RIPPLY3: variants seen among roughly 807,000 people sequenced by gnomAD.
The protein encoded by RIPPLY3 is ripply transcriptional repressor 3.
Under a neutral mutation model 11.9 loss-of-function variants are expected in RIPPLY3, and 8 were observed. The observed-to-expected ratio is 0.67, with a 90% CI of 0.40 to 1.21. RIPPLY3 has a LOEUF of 1.21. Among genes scored for constraint, RIPPLY3 ranks in the 50% most tolerant of loss-of-function variants. RIPPLY3 has a pLI of 0.01. For missense variants in RIPPLY3, 271 were observed against 246.0 expected, an observed-to-expected ratio of 1.10 and a Z score of -0.68; for synonymous variants, 102 against 99.0, an observed-to-expected ratio of 1.03 and a Z score of -0.18.
At chr21:37,008,442 A>G (rs1279863992) in intron 2 of RIPPLY3, among the ~76,000 whole-genome samples, 1 of 151,970 alleles carries the variant, frequency 6.6e-6, no homozygotes, top group Non-Finnish European at 1.5e-5. Flanking sequence ...TCTCCTTCCT[A>G]AAAAAGCATA....
chr21:37,010,535 G>A (rs1220087925), intron 2 of RIPPLY3, among the ~76,000 whole-genome samples: 1 of 152,152 alleles, frequency 6.6e-6, no homozygotes, highest in Non-Finnish European at 1.5e-5. Context: ...GCAGAGGGAA[G>A]GCCTCAAGGC....
intron 2 of RIPPLY3, among the ~76,000 whole-genome samples, chr21:37,010,000 C>T (rs1178731356): frequency 2.0e-5 from 3 of 152,220 alleles, no homozygotes; most frequent in Non-Finnish European, 4.4e-5. Flanking sequence ...CCCTGCAGTC[C>T]ACCGACGAGA....
At chr21:37,015,062 G>A (rs1243689075) in intron 3 of RIPPLY3, among the ~76,000 whole-genome samples, 1 of 152,182 alleles carries the variant, frequency 6.6e-6, no homozygotes. Flanking sequence ...AGAATTACTA[G>A]TGGAGCTTTT....
In RIPPLY3 at chr21:37,018,284, A is replaced by G. The variant is rs772686919; in HGVS notation, c.*77A>G. On this transcript the variant is annotated 3_prime_UTR_variant, in exon 4 of 4. Coordinates refer to ENST00000329553, the MANE Select transcript of RIPPLY3 (RefSeq NM_018962.3). ...TTGGGGACACCCGAGCCAGGACACT[A>G]CGCATCCCTGCTGAGTGTGCAGAGG... 1.2e-5 allele frequency: 15 copies of G among 1,234,298 alleles called. 1 individual carries two copies. The African/African-American group carries it at 1.6e-4, about 13-fold the overall frequency. 76.5% of individuals were successfully genotyped at this position (1,234,298 alleles called of 1,614,324 possible).
intron 2 of RIPPLY3, among the ~76,000 whole-genome samples, chr21:37,012,748 G>T (rs2069537647): frequency 6.6e-6 from 1 of 152,012 alleles, no homozygotes; most frequent in African/African-American, 2.4e-5. Context: ...CTCAACAGTG[G>T]GTATTCCAGG....
chr21:37,017,874 A>C lies in RIPPLY3; in HGVS notation c.240A>C (p.Arg80Ser). The change falls in exon 4 of 4, where the codon AGA (arginine) becomes AGC (serine). Residue 80 changes from arginine (R) to serine (S), a missense_variant and splice_region_variant. Transcript: ENST00000329553. ...GGTATATTTGTTTCTTAAATATTAG[A>C]GTCTATTTACCCATGTCAAAGCGTC... ...KGAFGFQHPV[R>S]VYLPMSKRQE... is the part of the protein sequence containing the mutation. 2.5e-6 allele frequency: 4 copies of C among 1,601,664 alleles called. No homozygotes were observed. The highest frequency in any genetic ancestry group is 3.4e-6 in the Non-Finnish European group (4 of 1,173,086).
chr21:37,008,540 C>T (rs1327557168), intron 2 of RIPPLY3, among the ~76,000 whole-genome samples: 1 of 152,012 alleles, frequency 6.6e-6, no homozygotes, highest in Non-Finnish European at 1.5e-5. Flanking sequence ...GGTGGATCAC[C>T]TGAAGTCAGG....
chr21:37,008,756 CA>C (rs71198845), intron 2 of RIPPLY3, among the ~76,000 whole-genome samples: 51,321 of 81,962 alleles, frequency 0.63, 13,594 homozygotes, highest in South Asian at 0.7. Flanking sequence ...AGACTCATCT[CA>C]AAAAAAAAAA....
At chr21:37,009,599 T>C (rs991045619) in intron 2 of RIPPLY3, among the ~76,000 whole-genome samples, 2 of 152,220 alleles carry the variant, frequency 1.3e-5, no homozygotes, top group African/African-American at 4.8e-5. Flanking sequence ...TGTGTGAGAA[T>C]ATAGATGTTT....
chr21:37,006,666 C>G (rs2069466440), upstream of RIPPLY3: 4 of 687,876 alleles, frequency 5.8e-6, no homozygotes, highest in African/African-American at 1.9e-5. The surrounding 1 kb of genome is among the most constrained non-coding windows in gnomAD (Gnocchi z 5.2). Context: ...CCGCCCCGCC[C>G]CCGTTTTTAA....
In RIPPLY3 at chr21:37,018,400, G is replaced by A. The variant is rs2069604340; in HGVS notation, c.*193G>A. ...TCTTTCCCCTGGCAATTCGTTTTTG[G>A]TGCACTCATGCATGCCTTTGAGAAA... On this transcript the variant is annotated 3_prime_UTR_variant, in exon 4 of 4. Transcript: ENST00000329553. 1.7e-6 allele frequency: 1 copy of A among 590,730 alleles called. No homozygotes were observed. The highest frequency in any genetic ancestry group is 1.9e-5 in the African/African-American group (1 of 53,686). The allele number at this position is 590,730 out of a possible 1,614,324, so 36.6% of individuals were successfully genotyped here.
chr21:37,014,907 T>C (rs1008470086), intron 3 of RIPPLY3, among the ~76,000 whole-genome samples: 1 of 152,184 alleles, frequency 6.6e-6, no homozygotes, highest in African/African-American at 2.4e-5. Context: ...TGTAATTTTT[T>C]TGTAGAGACA....
chr21:37,007,254 T>C (rs2069474017), intron 1 of RIPPLY3, among the ~76,000 whole-genome samples: 1 of 152,022 alleles, frequency 6.6e-6, no homozygotes. Flanking sequence ...CTGTTGTCCC[T>C]GGATTGGGGG....
chr21:37,008,046 C>A, intron 1 of RIPPLY3, 111 bp from the exon 2 acceptor site: 1 of 1,092,170 alleles, frequency 9.2e-7, no homozygotes, highest in Non-Finnish European at 1.3e-6. Context: ...CCTGGGGGGT[C>A]CGGTGCCTCT....
At chr21:37,007,158 G>C (rs117067729) in intron 1 of RIPPLY3, among the ~76,000 whole-genome samples, 1,541 of 152,280 alleles carry the variant, frequency 0.01, 29 homozygotes, top group East Asian at 0.072. Context: ...ATCTCAGTTA[G>C]CCAGCCGGGG....
At chr21:37,014,550 C>G (rs1306794245) in intron 3 of RIPPLY3, among the ~76,000 whole-genome samples, 1 of 152,148 alleles carries the variant, frequency 6.6e-6, no homozygotes, top group Non-Finnish European at 1.5e-5. Flanking sequence ...CTCTGTCTGT[C>G]TCGCTCGATC....
intron 1 of RIPPLY3, 148 bp downstream of exon 1, chr21:37,007,024 C>T (rs945470818): frequency 6.8e-6 from 3 of 440,444 alleles, no homozygotes; most frequent in Non-Finnish European, 1.1e-5. Context: ...AAGCAAGCTC[C>T]TGAGCCGGCA....
At position 37,018,058 on chromosome 21, in the gene RIPPLY3, G is replaced by T; in HGVS notation, c.424G>T (p.Gly142Cys). 6.2e-7 allele frequency: 1 copy of T among 1,614,124 alleles called. No individual in the cohort carries two copies. Among genetic ancestry groups the T allele is most frequent in the Non-Finnish European group, 8.5e-7 (1 of 1,180,024 alleles). ...CCATCTTCTGCCCCAGGAGGTGGGA[G>T]GTCGGCAGGAAAATGGCCCAGGGGG... ...PLHLLPQEVG[G>C]RQENGPGGKG... The change falls in exon 4 of 4, where the codon GGT becomes TGT. Residue 142 changes from glycine (G) to cysteine (C), a missense_variant. Coordinates refer to ENST00000329553, the MANE Select transcript of RIPPLY3 (RefSeq NM_018962.3).
In RIPPLY3 at chr21:37,006,979, TC is replaced by T; in HGVS notation, c.104+107del. 2 of 667,002 alleles carry T rather than the reference TC, an allele frequency of 3.0e-6. No individual in the cohort carries two copies. Among genetic ancestry groups the T allele is most frequent in the Non-Finnish European group, 4.1e-6 (2 of 483,002 alleles). The allele number at this position is 667,002 out of a possible 1,614,324, so 41.3% of individuals were successfully genotyped here. ...GGCTGGGGCGCTGCTGAACCCCCGA[TC>T]CCCAGCGGAGCTCCGGAGCTCGACG... On this transcript the variant is annotated intron_variant, in intron 1 of 3. Transcript: ENST00000329553. This position sits in a 1 kb window ranked among gnomAD's most constrained non-coding sequence, Gnocchi z 5.2.
Sources: gnomAD v4.1 joint callset for allele counts (sites outside exome capture counted in the v4.1 genomes callset) on GRCh38, gnomAD v4.1.1 for gene constraint, Gnocchi (gnomAD v3.1) non-coding constraint, MANE v1.5 for transcripts, NCBI Gene and HGNC (gene_info 2026-07-23, HGNC 2026-07-21) for gene names.